Variants in GC observed in about 807,000 individuals in gnomAD.
The protein encoded by GC is GC vitamin D binding protein.
GC carries 43 observed loss-of-function variants against 56.7 expected under a neutral mutation model. The ratio of observed to expected loss-of-function variants is 0.76; its 90% confidence interval spans 0.59 to 0.98. The LOEUF (loss-of-function observed/expected upper bound fraction) is 0.98, where lower values mean the gene tolerates loss of function less well. GC is among the 50% of genes least tolerant of loss of function. GC has a pLI of 0.00. For synonymous variants in GC, 216 were observed against 202.7 expected (o/e 1.07, Z -0.56); for missense variants, 529 against 545.9 (o/e 0.97, Z 0.31).
In GC at chr4:71,782,843, TGGCCTATTCAGA is replaced by T. The variant is rs143123610; in HGVS notation, c.58+1106_58+1117del. 1.5e-3 allele frequency among the ~76,000 whole-genome samples: 225 copies of T among 151,918 alleles called. 7 individuals carry two copies. In the East Asian group the frequency reaches 0.041, roughly 28 times the overall value. Reference sequence around the variant, plus strand: ...AGACTTAAAGGGATTTCTTGGAACATGGCCTATTCAGAGGTCTTATAAGGGACACAATTTATG... The same window carrying T: ...AGACTTAAAGGGATTTCTTGGAACATGGTCTTATAAGGGACACAATTTATG... On this transcript the variant is annotated intron_variant, in intron 1 of 12. Coordinates refer to ENST00000273951, the MANE Select transcript of GC (RefSeq NM_000583.4).
chr4:71,798,782 TTTCCACTA>T (rs1283189932), intron 1 of GC, among the ~76,000 whole-genome samples: 1 of 152,246 alleles, frequency 6.6e-6, no homozygotes, highest in Non-Finnish European at 1.5e-5. Context: ...TAATGAGGTC[TTTCCACTA>T]TAGATGGATG....
intron 1 of GC, 132 bp from the exon 2 acceptor site, chr4:71,769,532 T>C (rs1242179879): frequency 1.6e-6 from 1 of 622,202 alleles, no homozygotes; most frequent in Non-Finnish European, 2.8e-6. Flanking sequence ...ATATGCAATT[T>C]CATATTTTGG....
intron 1 of GC, among the ~76,000 whole-genome samples, chr4:71,794,938 A>G (rs2886269): frequency 1 from 152,273 of 152,336 alleles, 76,105 homozygotes; most frequent in Middle Eastern, 1. Flanking sequence ...TCAGGAGCAG[A>G]TTGTTCAGTT....
chr4:71,745,002 G>A (rs1741315038), intron 12 of GC, among the ~76,000 whole-genome samples: 1 of 152,152 alleles, frequency 6.6e-6, no homozygotes, highest in Non-Finnish European at 1.5e-5. Flanking sequence ...TATATGGGCA[G>A]GAAAACTTTT....
chr4:71,750,186 G>A (rs374428672), intron 11 of GC, among the ~76,000 whole-genome samples: 8 of 152,146 alleles, frequency 5.3e-5, no homozygotes, highest in South Asian at 2.1e-4. Flanking sequence ...CTGCTATTGC[G>A]AACAGAGAAT....
intron 1 of GC, among the ~76,000 whole-genome samples, chr4:71,791,594 A>T (rs1578321872): frequency 6.6e-6 from 1 of 151,732 alleles, no homozygotes; most frequent in East Asian, 1.9e-4. Flanking sequence ...TTATTCTTTG[A>T]TTTGTTTCAT....
intron 6 of GC, among the ~76,000 whole-genome samples, chr4:71,758,645 G>A (rs968242574): frequency 6.6e-6 from 1 of 152,024 alleles, no homozygotes; most frequent in Non-Finnish European, 1.5e-5. Flanking sequence ...TTTTATGTGT[G>A]AATGGTATGC....
At chr4:71,788,805 A>G (rs965386545), upstream of GC, among the ~76,000 whole-genome samples, 3 of 152,014 alleles carry the variant, frequency 2.0e-5, no homozygotes, top group African/African-American at 7.2e-5. Flanking sequence ...AGAGGCAGCT[A>G]CACCTCTTTC....
At chr4:71,774,866 G>T (rs1229615707) in intron 1 of GC, among the ~76,000 whole-genome samples, 1 of 151,546 alleles carries the variant, frequency 6.6e-6, no homozygotes, top group African/African-American at 2.4e-5. Context: ...ATAACTTTTT[G>T]AGTACATTTT....
chr4:71,795,961 CT>C (rs1362033690), intron 1 of GC, among the ~76,000 whole-genome samples: 2 of 152,192 alleles, frequency 1.3e-5, no homozygotes, highest in African/African-American at 4.8e-5. Context: ...CAATTCTTTT[CT>C]TTAAGAATTT....
At chr4:71,761,415 G>A (rs1578293524) in intron 6 of GC, among the ~76,000 whole-genome samples, 1 of 152,222 alleles carries the variant, frequency 6.6e-6, no homozygotes, top group Non-Finnish European at 1.5e-5. Context: ...CAAAAGGGAA[G>A]CAGAGCATAA....
At chr4:71,760,863 A>G (rs955228993) in intron 6 of GC, among the ~76,000 whole-genome samples, 3 of 152,178 alleles carry the variant, frequency 2.0e-5, no homozygotes, top group Admixed American at 6.5e-5. Context: ...GCCTTCCACC[A>G]TGATTGTGAG....
upstream of GC, among the ~76,000 whole-genome samples, chr4:71,788,328 C>T (rs1256923092): frequency 2.0e-5 from 3 of 151,296 alleles, no homozygotes; most frequent in South Asian, 2.1e-4. Context: ...ACAATAGGGG[C>T]GGTTATAGAA....
chr4:71,797,002 C>G (rs1185984900), intron 1 of GC, among the ~76,000 whole-genome samples: 1 of 152,198 alleles, frequency 6.6e-6, no homozygotes, highest in Admixed American at 6.5e-5. Context: ...GTGGAGGCTG[C>G]AGAACAGCAA....
chr4:71,805,482 A>G (rs1423359422), upstream of GC, among the ~76,000 whole-genome samples: 1 of 152,160 alleles, frequency 6.6e-6, no homozygotes, highest in Non-Finnish European at 1.5e-5. Flanking sequence ...AAGAGAAGCT[A>G]GGGGACTGTC....
At chr4:71,759,177 C>A (rs184596473) in intron 6 of GC, among the ~76,000 whole-genome samples, 6 of 152,160 alleles carry the variant, frequency 3.9e-5, no homozygotes, top group Non-Finnish European at 7.4e-5. Flanking sequence ...TGTCTTCATC[C>A]ATTCATCTGT....
upstream of GC, among the ~76,000 whole-genome samples, chr4:71,804,644 C>G (rs1435535490): frequency 6.6e-6 from 1 of 152,064 alleles, no homozygotes; most frequent in Non-Finnish European, 1.5e-5. Context: ...TCAATTAATC[C>G]TTTCATAAAT....
At chr4:71,745,163 A>G (rs1741324034) in intron 12 of GC, among the ~76,000 whole-genome samples, 1 of 152,216 alleles carries the variant, frequency 6.6e-6, no homozygotes, top group African/African-American at 2.4e-5. Flanking sequence ...GGAAATTTTC[A>G]TTTTACATGA....
upstream of GC, among the ~76,000 whole-genome samples, chr4:71,784,713 A>T (rs950669630): frequency 1.2e-4 from 18 of 151,752 alleles, no homozygotes; most frequent in Non-Finnish European, 4.4e-5. Flanking sequence ...AGTGAGGCAA[A>T]TAACTGGAGA....
Sources: allele counts gnomAD v4.1 joint callset (sites outside exome capture counted in the v4.1 genomes callset), GRCh38; gene constraint gnomAD v4.1.1; transcripts MANE v1.5; gene names NCBI Gene and HGNC (gene_info 2026-07-23, HGNC 2026-07-21).